Variants in PLA2G4F observed in about 807,000 individuals in gnomAD.
The protein encoded by PLA2G4F is phospholipase A2 group IVF, also known as cytosolic phospholipase A2 zeta.
Under a neutral mutation model 103.1 loss-of-function variants are expected in PLA2G4F, and 105 were observed. That is an observed-to-expected ratio of 1.02 (90% CI 0.87 to 1.20). PLA2G4F has a LOEUF of 1.20. Ranked by LOEUF, PLA2G4F falls within the 50% of genes most tolerant of loss-of-function variation. The probability of loss-of-function intolerance (pLI) is 0.00; values close to 1 mark genes in which losing one functional copy is unlikely to be tolerated. For missense variants in PLA2G4F, 1,155 were observed against 1,075.9 expected, an observed-to-expected ratio of 1.07 and a Z score of -1.03; for synonymous variants, 468 against 441.1, an observed-to-expected ratio of 1.06 and a Z score of -0.76.
chr15:42,152,424 G>A (rs1475596854), intron 7 of PLA2G4F, among the ~76,000 whole-genome samples: 1 of 152,248 alleles, frequency 6.6e-6, no homozygotes, highest in African/African-American at 2.4e-5. Flanking sequence ...CCAGTTGTGT[G>A]AGCCAAATAA....
chr15:42,147,329 TAG>T lies in PLA2G4F; in HGVS notation c.1212_1213del (p.Tyr405GlnfsTer15). The stretch of plus-strand genomic sequence containing the variant: ...CACCTGGGACCAGGCTGGGTCCCTG[TAG>T]AGTGTGGAGATGCACCTGGGGATTG... On this transcript the variant is annotated frameshift_variant, in exon 13 of 20. Transcript: ENST00000397272. LOFTEE classifies it high-confidence loss of function. 1 of 1,607,822 alleles carries T rather than the reference TAG, an allele frequency of 6.2e-7. No homozygotes were observed. The highest frequency in any genetic ancestry group is 1.1e-5 in the South Asian group (1 of 90,984).
At position 42,142,115 on chromosome 15, in the gene PLA2G4F, AG is replaced by A; in HGVS notation, c.2418del (p.Tyr807MetfsTer18). 6.2e-7 allele frequency: 1 copy of A among 1,614,190 alleles called. No homozygotes were observed. The highest frequency in any genetic ancestry group is 1.1e-5 in the South Asian group (1 of 91,084). On this transcript the variant is annotated frameshift_variant, in exon 20 of 20. Transcript: ENST00000397272. LOFTEE classifies it low-confidence loss of function (END_TRUNC). ...AGCCGATAAAAGTCCTGGGGCTCAT[AG>A]GTGAAGTTCATCATGCCATAGGGGG... The part of the protein sequence containing the change: ...PDTPYGMMNF[T>X]YEPQDFYRLV...
At position 42,152,628 on chromosome 15, in the gene PLA2G4F, A is replaced by T. The variant is rs138080711; in HGVS notation, c.601+60T>A. ...CCTGCCCCAGACCCACCTCCTTGAC[A>T]TCAGTAGTTCCAACCCCGGGAGAGA... On this transcript the variant is annotated intron_variant, in intron 7 of 19. Transcript: ENST00000397272. 7.2e-5 allele frequency: 109 copies of T among 1,518,560 alleles called. 1 individual carries two copies. The South Asian group carries it at 1.1e-3, about 16-fold the overall frequency. The allele number at this position is 1,518,560 out of a possible 1,614,324, so 94.1% of individuals were successfully genotyped here.
chr15:42,148,360 ATC>A (rs766300710), intron 11 of PLA2G4F, among the ~76,000 whole-genome samples: 3 of 152,192 alleles, frequency 2.0e-5, no homozygotes, highest in Non-Finnish European at 4.4e-5. Context: ...TGGAAGGTAT[ATC>A]TGATTCCCCA....
rs1441123266 is a variant in PLA2G4F, at chr15:42,145,787, G to A, written c.1651C>T (p.Pro551Ser). The A allele has an allele frequency of 1.9e-6, 3 of 1,614,142 alleles. No individual in the cohort carries two copies. Among genetic ancestry groups the A allele is most frequent in the Non-Finnish European group, 8.5e-7 (1 of 1,180,032 alleles). ...TCACCTTGCAGGTAACAGATCCGGG[G>A]TTCAGGCTGGAGCTGCAGCAATCGT... ...MGRLLQLQPEPRICYLQGMWG... is the reference protein window; with the variant it reads ...MGRLLQLQPESRICYLQGMWG... Residue 551 changes from proline to serine, a missense_variant, in exon 15 of 20, where the codon CCC becomes TCC. Physicochemically the swap from Pro to Ser is moderately conservative, Grantham distance 74. Around this residue, in one of 3 missense-constraint regions of PLA2G4F, gnomAD observed 782 missense variants for 692.9 expected, o/e 1.13. Transcript: ENST00000397272.
chr15:42,147,575 C>T, intron 12 of PLA2G4F, 51 bp downstream of exon 12: 1 of 1,596,148 alleles, frequency 6.3e-7, no homozygotes, highest in Non-Finnish European at 8.6e-7. Flanking sequence ...GTCACAACCC[C>T]ACACTTTGTG....
chr15:42,154,046 C>G (rs1455297822), intron 4 of PLA2G4F, 46 bp downstream of exon 4: 1 of 1,611,880 alleles, frequency 6.2e-7, no homozygotes, highest in African/African-American at 1.3e-5. Flanking sequence ...CTGTGCTGGG[C>G]CTCCCCTCCT....
chr15:42,145,425 A>G lies in PLA2G4F; in HGVS notation c.1780+150T>C, dbSNP rs964813822. ...TGATCATACCTCTGGGCATCTAGAC[A>G]CCCTAAGCTAGAAGTCATTTCCTCA... is the stretch of plus-strand genomic sequence containing the variant. On this transcript the variant is annotated intron_variant, in intron 16 of 19. Transcript: ENST00000397272. The G allele has an allele frequency of 3.3e-5, 25 of 755,218 alleles. No individual in the cohort carries two copies. In the African/African-American group the frequency reaches 3.9e-4, roughly 12 times the overall value. The allele number at this position is 755,218 out of a possible 1,614,324, so 46.8% of individuals were successfully genotyped here.
chr15:42,149,614 A>G (rs559390944), intron 11 of PLA2G4F, 99 bp downstream of exon 11: 4 of 1,526,874 alleles, frequency 2.6e-6, no homozygotes, highest in East Asian at 2.3e-5. Flanking sequence ...GAACAGGCCA[A>G]CCTCCTCTGG....
intron 12 of PLA2G4F, 78 bp from the exon 13 acceptor site, chr15:42,147,424 G>A (rs1267626607): frequency 2.0e-5 from 29 of 1,450,984 alleles, no homozygotes; most frequent in East Asian, 4.6e-5. Context: ...TCTGTGAGTG[G>A]CCCTCCACCC....
In PLA2G4F at chr15:42,154,450, C is replaced by T; in HGVS notation, c.193G>A (p.Ala65Thr). 1 of 1,587,018 alleles carries T rather than the reference C, an allele frequency of 6.3e-7. No individual in the cohort carries two copies. Among genetic ancestry groups the T allele is most frequent in the Non-Finnish European group, 8.6e-7 (1 of 1,164,064 alleles). Residue 65 changes from alanine to threonine, a missense_variant, in exon 3 of 20, where the codon GCC (alanine) becomes ACC (threonine). This residue lies in a region of PLA2G4F where 370 missense variants were observed against 364.9 expected (regional missense o/e 1.01). Coordinates refer to ENST00000397272, the MANE Select transcript of PLA2G4F (RefSeq NM_213600.4). ...AGCCACAGTTGCACATAGCAGTCGG[C>T]TTTGGACACTGCAGGTAGGACAGGG... Reference protein sequence around the residue: ...NIRGTDLLSKADCYVQLWLPT... With the variant: ...NIRGTDLLSKTDCYVQLWLPT...
rs1231350641 is a variant in PLA2G4F, at chr15:42,156,500, A to AG, written c.49dup (p.Leu17ProfsTer29). ...CTTCTGAAGCAGCACTGCCCCCAGGAGGGGCAGCATCTTGTCTGCCAGCCA... is the reference window on the plus strand; with the variant it reads ...CTTCTGAAGCAGCACTGCCCCCAGGAGGGGGCAGCATCTTGTCTGCCAGCCA... On this transcript the variant is annotated frameshift_variant, in exon 1 of 20. Transcript: ENST00000397272. LOFTEE classifies it high-confidence loss of function. 7 of 1,561,944 alleles carry AG rather than the reference A, an allele frequency of 4.5e-6. No homozygotes were observed. Among genetic ancestry groups the AG allele is most frequent in the Non-Finnish European group, 6.1e-6 (7 of 1,152,200 alleles).
intron 7 of PLA2G4F, chr15:42,150,986 G>A (rs139844548): frequency 1.0e-6 from 1 of 985,464 alleles, no homozygotes; most frequent in East Asian, 1.1e-4. Flanking sequence ...GTCAGAACTG[G>A]GACTCGGGAA....
Position 42,141,948 on chromosome 15 carries a change from C to T in PLA2G4F, c.*36G>A. The T allele has an allele frequency of 6.3e-7, 1 of 1,575,296 alleles. No individual in the cohort carries two copies. Among genetic ancestry groups the T allele is most frequent in the Non-Finnish European group, 8.7e-7 (1 of 1,149,148 alleles). Reference sequence around the variant, plus strand: ...CAAGCCCTGACCATGAGCAGTGTGTCTCCTCTCTGTCACAGTCCTCCGCTT... The same window carrying T: ...CAAGCCCTGACCATGAGCAGTGTGTTTCCTCTCTGTCACAGTCCTCCGCTT... On this transcript the variant is annotated 3_prime_UTR_variant, in exon 20 of 20. Transcript: ENST00000397272.
chr15:42,150,898 C>G, intron 7 of PLA2G4F, 121 bp from the exon 8 acceptor site: 1 of 1,477,792 alleles, frequency 6.8e-7, no homozygotes, highest in Non-Finnish European at 8.9e-7. Flanking sequence ...AATGCCAGCT[C>G]TTATCGCCCG....
chr15:42,142,590 C>T lies in PLA2G4F; in HGVS notation c.2267G>A (p.Arg756His), dbSNP rs373084106. The change falls in exon 19 of 20, where the codon CGC (arginine) becomes CAC (histidine). Residue 756 changes from arginine to histidine, a missense_variant. Coordinates refer to ENST00000397272, the MANE Select transcript of PLA2G4F (RefSeq NM_213600.4). Reference sequence around the variant, plus strand: ...GGGGAAGTGCAGCACAATGGGGGAGCGGGGGTCCTCAGCCTTGGCAAACAG... The same window carrying T: ...GGGGAAGTGCAGCACAATGGGGGAGTGGGGGTCCTCAGCCTTGGCAAACAG... ...CYLFAKAEDP[R>H]SPIVLHFPLV... is the part of the protein sequence containing the mutation. 56 of 1,613,956 alleles carry T rather than the reference C, an allele frequency of 3.5e-5. No individual in the cohort carries two copies. Among genetic ancestry groups the T allele is most frequent in the Non-Finnish European group, 4.1e-5 (48 of 1,179,998 alleles).
At chr15:42,150,223 C>T (rs2048941502) in intron 9 of PLA2G4F, 82 bp from the exon 10 acceptor site, 1 of 1,594,114 alleles carries the variant, frequency 6.3e-7, no homozygotes, top group South Asian at 1.1e-5. Context: ...GCAGCCCTTG[C>T]TGCCCTGCGA....
intron 7 of PLA2G4F, 158 bp from the exon 8 acceptor site, chr15:42,150,935 A>C: frequency 4.1e-6 from 4 of 985,396 alleles, no homozygotes; most frequent in Non-Finnish European, 4.8e-6. Context: ...GCTCATAGAG[A>C]AAGCCTCTGG....
chr15:42,141,932 A>C lies in PLA2G4F; in HGVS notation c.*52T>G. 6.5e-7 allele frequency: 1 copy of C among 1,539,608 alleles called. No individual in the cohort carries two copies. Among genetic ancestry groups the C allele is most frequent in the Non-Finnish European group, 8.9e-7 (1 of 1,121,176 alleles). Reference sequence around the variant, plus strand: ...ATCGCTCCTCCCTCTACAAGCCCTGACCATGAGCAGTGTGTCTCCTCTCTG... The same window carrying C: ...ATCGCTCCTCCCTCTACAAGCCCTGCCCATGAGCAGTGTGTCTCCTCTCTG... On this transcript the variant is annotated 3_prime_UTR_variant, in exon 20 of 20. Coordinates refer to ENST00000397272, the MANE Select transcript of PLA2G4F (RefSeq NM_213600.4).
Sources: gnomAD v4.1 joint callset for allele counts (sites outside exome capture counted in the v4.1 genomes callset) on GRCh38, gnomAD v4.1.1 for gene constraint, gnomAD v4.1.1 regional missense constraint, MANE v1.5 for transcripts, NCBI Gene and HGNC (gene_info 2026-07-23, HGNC 2026-07-21) for gene names.